Variants in PAQR5 observed in about 807,000 individuals in gnomAD.
PAQR5 encodes progestin and adipoQ receptor family member 5.
In PAQR5, 20 loss-of-function variants were observed where a neutral mutation model predicts 34.5. The ratio of observed to expected loss-of-function variants is 0.58; its 90% CI spans 0.41 to 0.84. PAQR5 has a LOEUF of 0.84. Among genes scored for constraint, PAQR5 ranks in the 40% least tolerant of loss-of-function variants. The probability of loss-of-function intolerance (pLI) is 0.00; values close to 1 mark genes in which losing one functional copy is unlikely to be tolerated. For synonymous variants in PAQR5, 131 were observed against 155.6 expected (o/e 0.84, Z 1.18); for missense variants, 378 against 412.7 (o/e 0.92, Z 0.73).
At chr15:69,343,571 C>A (rs1457658744) in intron 2 of PAQR5, among the ~76,000 whole-genome samples, 15 of 152,226 alleles carry the variant, frequency 9.9e-5, no homozygotes, top group Non-Finnish European at 2.2e-4. Flanking sequence ...GTAATCATTG[C>A]AGATGAACTT....
At chr15:69,391,883 C>T (rs2056284046) in intron 6 of PAQR5, 2 of 376,422 alleles carry the variant, frequency 5.3e-6, no homozygotes, top group South Asian at 2.0e-5. Context: ...GTGGTGAAAA[C>T]CTGTCTCCAC....
chr15:69,349,326 G>A (rs2054851760), intron 2 of PAQR5, among the ~76,000 whole-genome samples: 1 of 152,194 alleles, frequency 6.6e-6, no homozygotes, highest in South Asian at 2.1e-4. Context: ...AACCAGGCGT[G>A]AGTCCCAGCA....
At chr15:69,336,150 T>G (rs867443998) in intron 1 of PAQR5, among the ~76,000 whole-genome samples, 1 of 152,134 alleles carries the variant, frequency 6.6e-6, no homozygotes, top group East Asian at 1.9e-4. Flanking sequence ...TTTAAAAAAA[T>G]TTTTTGGAGT....
intron 8 of PAQR5, among the ~76,000 whole-genome samples, chr15:69,401,288 C>A (rs1237884292): frequency 6.6e-6 from 1 of 152,192 alleles, no homozygotes; most frequent in Non-Finnish European, 1.5e-5. Context: ...TGCTTCTCCC[C>A]AAGCCCATTT....
intron 3 of PAQR5, among the ~76,000 whole-genome samples, chr15:69,378,930 C>A (rs1051261881): frequency 1.3e-5 from 2 of 152,086 alleles, no homozygotes; most frequent in Admixed American, 1.3e-4. Context: ...AATGATCTGG[C>A]CCAAAGTGTC....
At chr15:69,363,709 T>C (rs4776441) in intron 3 of PAQR5, among the ~76,000 whole-genome samples, 144,321 of 151,954 alleles carry the variant, frequency 0.95, 68,986 homozygotes, top group Non-Finnish European at 1. Context: ...CACGCCACCA[T>C]GCCCAGATAC....
intron 4 of PAQR5, among the ~76,000 whole-genome samples, 186 bp from the exon 5 acceptor site, chr15:69,384,488 ATGG>A (rs2056047465): frequency 1.1e-4 from 3 of 26,628 alleles, no homozygotes; most frequent in African/African-American, 2.1e-4. Flanking sequence ...CTCCGTGTTC[ATGG>A]TGGAGGGTGA....
chr15:69,381,957 G>A (rs770853514), intron 4 of PAQR5, among the ~76,000 whole-genome samples: 10 of 152,292 alleles, frequency 6.6e-5, no homozygotes, highest in South Asian at 4.1e-4. Context: ...GAAGCGAGGT[G>A]CTCTGCAGGC....
intron 1 of PAQR5, among the ~76,000 whole-genome samples, chr15:69,332,892 G>A (rs541301557): frequency 6.6e-6 from 1 of 150,992 alleles, no homozygotes. Context: ...CATGTGGGAA[G>A]TTAACTGTGG....
At chr15:69,360,197 G>A in intron 3 of PAQR5, 66 bp downstream of exon 3, 1 of 1,226,074 alleles carries the variant, frequency 8.2e-7, no homozygotes, top group South Asian at 1.2e-5. Context: ...CTCCGCAATG[G>A]GGGGCTGTTG....
intron 7 of PAQR5, among the ~76,000 whole-genome samples, chr15:69,398,946 T>C (rs2056537807): frequency 6.6e-6 from 1 of 152,210 alleles, no homozygotes; most frequent in South Asian, 2.1e-4. Flanking sequence ...TGCAAGTCAC[T>C]CTCTGGCCCA....
At chr15:69,328,552 G>T (rs889350187) in intron 1 of PAQR5, among the ~76,000 whole-genome samples, 3 of 152,156 alleles carry the variant, frequency 2.0e-5, no homozygotes, top group African/African-American at 7.2e-5. Context: ...CAGGGAAGTG[G>T]CCAGCTAGAG....
At position 69,310,994 on chromosome 15, in the gene PAQR5, G is replaced by A. The variant is rs562326402; in HGVS notation, c.-277+11938G>A. Among the ~76,000 whole-genome samples, 843 of 131,614 alleles carry A rather than the reference G, an allele frequency of 6.4e-3. 7 individuals are homozygous for A. The highest frequency in any genetic ancestry group is 0.037 in the Middle Eastern group (8 of 216). The allele number at this position is 131,614 out of a possible 152,430, so 86.3% of individuals were successfully genotyped here. A position where few individuals can be genotyped will look rare whatever the true frequency, so the allele number is the denominator to read the frequency against. On this transcript the variant is annotated intron_variant, in intron 1 of 8. Coordinates refer to ENST00000395407, the MANE Select transcript of PAQR5 (RefSeq NM_017705.4). ...GCGGAGCTTGCAGTGAGCCGAGATCGCGCCACTGCACTCCAGCCTGGGCAA... is the reference window on the plus strand; with the variant it reads ...GCGGAGCTTGCAGTGAGCCGAGATCACGCCACTGCACTCCAGCCTGGGCAA...
chr15:69,332,474 T>G (rs1264039030), intron 1 of PAQR5, among the ~76,000 whole-genome samples: 1 of 152,128 alleles, frequency 6.6e-6, no homozygotes, highest in African/African-American at 2.4e-5. Flanking sequence ...CCTAAAAATT[T>G]TTTCTTGAGC....
rs1473432708 is a variant in PAQR5 at position 69,389,740 on chromosome 15, C to T, written c.472C>T (p.Leu158=). The T allele has an allele frequency of 6.2e-7, 1 of 1,614,196 alleles. No individual in the cohort carries two copies. The highest frequency in any genetic ancestry group is 1.1e-5 in the South Asian group (1 of 91,084). ...TGACTACTACGTGGCCCTGGCTGTA[C>T]TGAACACCATCCTCAGCACAGGCCT... The part of the protein sequence containing the change: ...FHDYYVALAV[L]NTILSTGLSC... Residue 158 remains leucine (L), a synonymous_variant, in exon 6 of 9, where the codon CTG becomes TTG. Transcript: ENST00000395407.
chr15:69,338,868 A>C (rs2054570863), intron 2 of PAQR5, among the ~76,000 whole-genome samples: 1 of 152,248 alleles, frequency 6.6e-6, no homozygotes, highest in Non-Finnish European at 1.5e-5. Context: ...CCTTTCCCAA[A>C]GCAGACCTCC....
intron 1 of PAQR5, among the ~76,000 whole-genome samples, chr15:69,304,301 C>T (rs918066227): frequency 6.6e-6 from 1 of 152,182 alleles, no homozygotes; most frequent in Non-Finnish European, 1.5e-5. Context: ...GACTTTCAGC[C>T]ACAGTGGATG....
At chr15:69,397,256 C>T (rs1431081694) in intron 6 of PAQR5, 1 of 687,302 alleles carries the variant, frequency 1.5e-6, no homozygotes, top group Non-Finnish European at 2.7e-6. Flanking sequence ...AGATGGTGTC[C>T]CTGGAGATCT....
intron 6 of PAQR5, among the ~76,000 whole-genome samples, chr15:69,395,999 G>C (rs563564585): frequency 6.6e-6 from 1 of 151,770 alleles, no homozygotes; most frequent in Non-Finnish European, 1.5e-5. Context: ...ATTTGTGCTC[G>C]GTTGCCCTGA....
Sources: gnomAD v4.1 joint callset for allele counts (sites outside exome capture counted in the v4.1 genomes callset) on GRCh38, gnomAD v4.1.1 for gene constraint, MANE v1.5 for transcripts, NCBI Gene and HGNC (gene_info 2026-07-23, HGNC 2026-07-21) for gene names.